SASH1: variants seen among roughly 807,000 people sequenced by gnomAD.
The protein encoded by SASH1 is SAM and SH3 domain-containing protein 1.
In SASH1, 44 loss-of-function variants were observed where a neutral mutation model predicts 125.2. That is an observed-to-expected ratio of 0.35 (90% CI 0.28 to 0.45). The LOEUF (loss-of-function observed/expected upper bound fraction) is 0.45, where lower values mean the gene tolerates loss of function less well. Ranked by LOEUF, SASH1 falls within the 20% of genes least tolerant of loss-of-function variation. The pLI is 1.00. For missense variants in SASH1, 1,426 were observed against 1,614.5 expected (o/e 0.88, Z 2.00); for synonymous variants, 639 against 649.1 (o/e 0.98, Z 0.24).
chr6:148,378,381 G>T (rs546851485), intron 1 of SASH1, among the ~76,000 whole-genome samples: 21 of 143,154 alleles, frequency 1.5e-4, no homozygotes, highest in African/African-American at 5.5e-4. Context: ...TTGAGACAGG[G>T]TCTCACTCTG....
Position 148,378,531 on chromosome 6 carries a change from A to G in SASH1, c.157-11603A>G, listed in dbSNP as rs146185048. On this transcript the variant is annotated intron_variant, in intron 1 of 19. Transcript: ENST00000367467. ...CATCATGCCCCGCTAATTTTTATATATTTTTCTTGGTAGAACTGGGGTTTG... is the reference window on the plus strand; with the variant it reads ...CATCATGCCCCGCTAATTTTTATATGTTTTTCTTGGTAGAACTGGGGTTTG... Among the ~76,000 whole-genome samples, 67 of 151,740 alleles carry G rather than the reference A, an allele frequency of 4.4e-4. No homozygotes were observed. The East Asian group carries it at 9.3e-3, about 21-fold the overall frequency.
the SASH1 span, among the ~76,000 whole-genome samples, chr6:148,218,823 T>A: frequency 0.029 from 4,379 of 152,348 alleles, 95 homozygotes; most frequent in South Asian, 0.052. Flanking sequence ...TTTAACCTTA[T>A]CTGACCTTGG....
intron 2 of SASH1, among the ~76,000 whole-genome samples, chr6:148,409,967 A>T (rs1784549769): frequency 6.6e-6 from 1 of 151,726 alleles, no homozygotes; most frequent in Non-Finnish European, 1.5e-5. Flanking sequence ...AAAGGAGAAT[A>T]ACTTTCACCC....
chr6:148,302,638 A>T (rs1027105735), intron 1 of SASH1, among the ~76,000 whole-genome samples: 1 of 143,814 alleles, frequency 7.0e-6, no homozygotes, highest in East Asian at 2.0e-4. Context: ...TATATAGGGT[A>T]CATTAGATGT....
At chr6:148,473,116 G>T (rs1028174206) in intron 6 of SASH1, among the ~76,000 whole-genome samples, 1 of 152,178 alleles carries the variant, frequency 6.6e-6, no homozygotes, top group Non-Finnish European at 1.5e-5. Context: ...TCAGGTGCGA[G>T]TTGGAAGTTG....
intron 2 of SASH1, among the ~76,000 whole-genome samples, chr6:148,415,385 C>G (rs1198502804): frequency 6.6e-6 from 1 of 152,124 alleles, no homozygotes; most frequent in Non-Finnish European, 1.5e-5. Flanking sequence ...TTGACACAAC[C>G]TGTTCTTTAA....
At chr6:148,230,323 A>T in the SASH1 span, among the ~76,000 whole-genome samples, 1 of 152,078 alleles carries the variant, frequency 6.6e-6, no homozygotes, top group Non-Finnish European at 1.5e-5. Context: ...TGATCAATAT[A>T]AGAGATTTTT....
intron 1 of SASH1, among the ~76,000 whole-genome samples, chr6:148,328,460 G>A (rs1291518553): frequency 2.0e-5 from 3 of 152,036 alleles, no homozygotes; most frequent in Non-Finnish European, 4.4e-5. Flanking sequence ...AGGCGCAGTG[G>A]TGGGCACCTG....
intron 1 of SASH1, among the ~76,000 whole-genome samples, chr6:148,388,592 A>C (rs1213358258): frequency 6.6e-6 from 1 of 152,224 alleles, no homozygotes. Flanking sequence ...AGCTTTTCTG[A>C]AGCGTCATTT....
chr6:148,348,505 G>T lies in SASH1; in HGVS notation c.156+5282G>T, dbSNP rs568914996. On this transcript the variant is annotated intron_variant, in intron 1 of 19. Coordinates refer to ENST00000367467, the MANE Select transcript of SASH1 (RefSeq NM_015278.5). ...CCTTTGCATGCAGCTCTATGGGGAC[G>T]GAGTGAGAGGCAGTGCTCCTGTGTA... Among the ~76,000 whole-genome samples, 27 of 152,270 alleles carry T rather than the reference G, an allele frequency of 1.8e-4. No homozygotes were observed. In the South Asian group the frequency reaches 5.4e-3, roughly 30 times the overall value.
chr6:148,298,868 G>A (rs1779854488), intron 1 of SASH1, among the ~76,000 whole-genome samples: 1 of 113,576 alleles, frequency 8.8e-6, no homozygotes, highest in Non-Finnish European at 1.9e-5. Flanking sequence ...AAGGAGGGAG[G>A]GAAGTAAGGA....
chr6:148,497,685 C>CAGAT (rs1285642194), intron 8 of SASH1, among the ~76,000 whole-genome samples: 1 of 152,222 alleles, frequency 6.6e-6, no homozygotes, highest in Non-Finnish European at 1.5e-5. Context: ...CATGTATCAG[C>CAGAT]AGATAGGCTA....
At chr6:148,262,807 C>T in the SASH1 span, among the ~76,000 whole-genome samples, 3 of 152,064 alleles carry the variant, frequency 2.0e-5, no homozygotes, top group Non-Finnish European at 2.9e-5. Flanking sequence ...CGCTTGAACC[C>T]GGGAGGGGGA....
intron 8 of SASH1, among the ~76,000 whole-genome samples, chr6:148,491,281 T>G (rs1779095404): frequency 6.6e-6 from 1 of 152,148 alleles, no homozygotes; most frequent in Non-Finnish European, 1.5e-5. Context: ...TTTTTGTTGT[T>G]GTTGTTGAGA....
chr6:148,441,230 G>A (rs868763565), intron 4 of SASH1, among the ~76,000 whole-genome samples: 7 of 152,228 alleles, frequency 4.6e-5, no homozygotes, highest in Non-Finnish European at 5.9e-5. Context: ...AAGTATTTCT[G>A]GAATGCAAAG....
rs147161125 is a variant in SASH1, at chr6:148,325,261, T to TTGTTG, written n.74+52885_74+52886insGTTGT. ...AGAGTGAAATAGGGGAAAAGCCTCT[T>TTGTTG]TTGTTGTTGTTGTTGTTGTTGTTGT... On this transcript the variant is annotated intron_variant and non_coding_transcript_variant, in intron 1 of 3. Transcript: ENST00000367469. Among the ~76,000 whole-genome samples the TTGTTG allele has an allele frequency of 8.0e-3, 1,196 of 149,966 alleles. 8 individuals are homozygous for TTGTTG. The highest frequency in any genetic ancestry group is 0.019 in the African/African-American group (795 of 40,790).
chr6:148,461,594 TA>T (rs1327155834), intron 4 of SASH1, among the ~76,000 whole-genome samples: 1 of 152,166 alleles, frequency 6.6e-6, no homozygotes, highest in Non-Finnish European at 1.5e-5. Flanking sequence ...GAGAGAATCT[TA>T]CACCAAATCA....
rs904846938 is a variant in SASH1, at chr6:148,358,936, C to G, written c.156+15713C>G. Among the ~76,000 whole-genome samples the G allele has an allele frequency of 2.6e-5, 4 of 151,780 alleles. No homozygotes were observed. In the East Asian group the frequency reaches 7.8e-4, roughly 29 times the overall value. Reference sequence around the variant, plus strand: ...ATTTTTAGTAGAGACGGGGTTTCACCGTGTTAGCCAGGATGGTCTTGATCT... The same window carrying G: ...ATTTTTAGTAGAGACGGGGTTTCACGGTGTTAGCCAGGATGGTCTTGATCT... On this transcript the variant is annotated intron_variant, in intron 1 of 19. Transcript: ENST00000367467.
chr6:148,383,049 C>T (rs950207447), intron 1 of SASH1, among the ~76,000 whole-genome samples: 2 of 152,206 alleles, frequency 1.3e-5, no homozygotes, highest in African/African-American at 4.8e-5. Flanking sequence ...TTATTACAGT[C>T]AGTGAATGTC....
Sources: gnomAD v4.1 joint callset for allele counts (sites outside exome capture counted in the v4.1 genomes callset) on GRCh38, gnomAD v4.1.1 for gene constraint, MANE v1.5 for transcripts, NCBI Gene and HGNC (gene_info 2026-07-23, HGNC 2026-07-21) for gene names.